ZBTB44: variants seen among roughly 807,000 people sequenced by gnomAD.
The protein encoded by ZBTB44 is zinc finger and BTB domain containing 44.
A neutral mutation model predicts 54.0 loss-of-function variants in ZBTB44; 15 were observed. The ratio of observed to expected loss-of-function variants is 0.28; its 90% CI spans 0.19 to 0.43. The LOEUF (loss-of-function observed/expected upper bound fraction) is 0.43. Among genes scored for constraint, ZBTB44 ranks in the 20% least tolerant of loss-of-function variants. ZBTB44 has a pLI of 1.00. For synonymous variants in ZBTB44, 230 were observed against 250.1 expected, an observed-to-expected ratio of 0.92 and a Z score of 0.76; for missense variants, 487 against 707.1, an observed-to-expected ratio of 0.69 and a Z score of 3.53.
At position 130,239,859 on chromosome 11, in the gene ZBTB44, T is replaced by C; in HGVS notation, c.1056A>G (p.Thr352=). Residue 352 remains threonine (T), a synonymous_variant, in exon 3 of 8, where the codon ACA becomes ACG. Transcript: ENST00000357899. The part of the protein sequence containing the change: ...VDEGVSEGLP[T]LQSTSSTNAP... ...CATTAGTGCTAGACGTGCTTTGAAG[T>C]GTAGGCAAGCCCTCAGAAACGCCTT... 6.2e-7 allele frequency: 1 copy of C among 1,612,416 alleles called. No individual in the cohort carries two copies. The highest frequency in any genetic ancestry group is 8.5e-7 in the Non-Finnish European group (1 of 1,179,032).
At chr11:130,296,704 C>G in intron 1 of ZBTB44, 1 of 1,031,008 alleles carries the variant, frequency 9.7e-7, no homozygotes, top group South Asian at 1.3e-5. Context: ...TTTGACTTTT[C>G]CTGGTCTAAA....
chr11:130,272,024 A>G (rs1939708567), intron 1 of ZBTB44, among the ~76,000 whole-genome samples: 1 of 151,978 alleles, frequency 6.6e-6, no homozygotes, highest in South Asian at 2.1e-4. Flanking sequence ...TGAGGTCAGG[A>G]GTCAAGACCA....
At chr11:130,272,854 G>A (rs776132271) in intron 1 of ZBTB44, among the ~76,000 whole-genome samples, 1 of 152,030 alleles carries the variant, frequency 6.6e-6, no homozygotes, top group Non-Finnish European at 1.5e-5. Flanking sequence ...TGGCATCCTT[G>A]TTGGAAATCA....
At chr11:130,258,945 G>C (rs1938641739) in intron 2 of ZBTB44, among the ~76,000 whole-genome samples, 1 of 152,136 alleles carries the variant, frequency 6.6e-6, no homozygotes, top group African/African-American at 2.4e-5. Flanking sequence ...CAGTAACAGA[G>C]AGCCAAATCA....
At chr11:130,302,877 AG>A (rs1023341704) in intron 1 of ZBTB44, among the ~76,000 whole-genome samples, 3 of 152,154 alleles carry the variant, frequency 2.0e-5, no homozygotes, top group Non-Finnish European at 4.4e-5. Context: ...CGGGAGGCTG[AG>A]GCGGGAGAAT....
chr11:130,270,928 A>T (rs1939620701), intron 1 of ZBTB44, among the ~76,000 whole-genome samples: 1 of 152,234 alleles, frequency 6.6e-6, no homozygotes, highest in East Asian at 1.9e-4. Flanking sequence ...AGAAGTCACG[A>T]TAAATTTCAT....
rs1287514463 is a variant in ZBTB44 at position 130,231,570 on chromosome 11, T to A, written c.*194A>T. Reference sequence around the variant, plus strand: ...TACCAACATTGTGCTTGGCTCTTAATGCGAAGTTTTCAGGGTTGGGGATGT... The same window carrying A: ...TACCAACATTGTGCTTGGCTCTTAAAGCGAAGTTTTCAGGGTTGGGGATGT... On this transcript the variant is annotated 3_prime_UTR_variant, in exon 8 of 8. Transcript: ENST00000357899. 2.0e-5 allele frequency: 3 copies of A among 152,314 alleles called. No individual in the cohort carries two copies. Among genetic ancestry groups the A allele is most frequent in the South Asian group, 2.1e-4 (1 of 4,830 alleles). The allele number at this position is 152,314 out of a possible 1,614,324, so 9.4% of individuals were successfully genotyped here. A position where few individuals can be genotyped will look rare whatever the true frequency, so the allele number is the denominator to read the frequency against.
intron 1 of ZBTB44, among the ~76,000 whole-genome samples, chr11:130,273,594 T>C (rs1317520336): frequency 6.6e-6 from 1 of 152,218 alleles, no homozygotes; most frequent in African/African-American, 2.4e-5. Flanking sequence ...ATTACAGGCA[T>C]GAGCCACTAC....
At chr11:130,244,251 A>G (rs1256110564) in intron 2 of ZBTB44, among the ~76,000 whole-genome samples, 1 of 152,128 alleles carries the variant, frequency 6.6e-6, no homozygotes, top group East Asian at 1.9e-4. Context: ...GCTTATTCTC[A>G]TTAGGTAATG....
chr11:130,274,711 T>C (rs560470698), intron 1 of ZBTB44, among the ~76,000 whole-genome samples: 85 of 152,360 alleles, frequency 5.6e-4, no homozygotes, highest in African/African-American at 2.0e-3. Context: ...CAGTTGATCA[T>C]GTATGATACA....
At chr11:130,231,865 C>T (rs528585773) in intron 7 of ZBTB44, 150 bp from the exon 8 acceptor site, 2 of 152,262 alleles carry the variant, frequency 1.3e-5, no homozygotes, top group African/African-American at 4.8e-5. Flanking sequence ...CCAGTTGAGA[C>T]ACAGCAGTAC....
chr11:130,273,138 A>C (rs764941606), intron 1 of ZBTB44, among the ~76,000 whole-genome samples: 2 of 152,122 alleles, frequency 1.3e-5, no homozygotes, highest in Non-Finnish European at 1.5e-5. Context: ...TTTGGAGAAT[A>C]CTGCTATCTT....
intron 1 of ZBTB44, among the ~76,000 whole-genome samples, chr11:130,270,438 A>G (rs1753104000): frequency 6.6e-6 from 1 of 152,234 alleles, no homozygotes; most frequent in African/African-American, 2.4e-5. Context: ...GGCTTTAGAT[A>G]TGCTATCTCA....
chr11:130,281,167 A>G (rs1455377212), intron 1 of ZBTB44, among the ~76,000 whole-genome samples: 1 of 152,214 alleles, frequency 6.6e-6, no homozygotes, highest in Non-Finnish European at 1.5e-5. Context: ...CCCTTAAATG[A>G]TTATAATTAG....
At chr11:130,267,766 G>A (rs566636922) in intron 1 of ZBTB44, among the ~76,000 whole-genome samples, 1 of 152,058 alleles carries the variant, frequency 6.6e-6, no homozygotes, top group East Asian at 1.9e-4. Context: ...ACATCCTGTA[G>A]AGAAATCCTC....
At chr11:130,240,717 G>T (rs1246945155) in intron 2 of ZBTB44, among the ~76,000 whole-genome samples, 1 of 152,076 alleles carries the variant, frequency 6.6e-6, no homozygotes, top group Non-Finnish European at 1.5e-5. Flanking sequence ...GCTTCTTATG[G>T]TTATCATTTT....
At chr11:130,292,455 A>C (rs1021649030) in intron 1 of ZBTB44, among the ~76,000 whole-genome samples, 1 of 152,204 alleles carries the variant, frequency 6.6e-6, no homozygotes, top group Non-Finnish European at 1.5e-5. Flanking sequence ...AGCCTTGTCT[A>C]TATTCTATAA....
At chr11:130,289,481 CAAAA>C (rs796256653) in intron 1 of ZBTB44, among the ~76,000 whole-genome samples, 5 of 64,582 alleles carry the variant, frequency 7.7e-5, no homozygotes, top group Admixed American at 1.8e-4. Context: ...GACTCTGCCT[CAAAA>C]AAAAAAAAAA....
chr11:130,297,729 C>T (rs376411423), intron 1 of ZBTB44, among the ~76,000 whole-genome samples: 4 of 152,298 alleles, frequency 2.6e-5, no homozygotes, highest in African/African-American at 9.6e-5. Context: ...GGAACCAACC[C>T]TACCTATGCC....
Sources: gnomAD v4.1 joint callset for allele counts (sites outside exome capture counted in the v4.1 genomes callset) on GRCh38, gnomAD v4.1.1 for gene constraint, MANE v1.5 for transcripts, NCBI Gene and HGNC (gene_info 2026-07-23, HGNC 2026-07-21) for gene names.